Variants in CLASP1 observed in about 807,000 individuals in gnomAD.
CLASP1 encodes CLIP-associating protein 1.
In CLASP1, 38 loss-of-function variants were observed where a neutral mutation model predicts 192.3. The ratio of observed to expected loss-of-function variants is 0.20; its 90% CI spans 0.15 to 0.26. The LOEUF is 0.26. Ranked by LOEUF, CLASP1 falls within the 10% of genes least tolerant of loss-of-function variation. The pLI, the probability that CLASP1 is intolerant of heterozygous loss-of-function variation, is 1.00. For missense variants in CLASP1, 1,433 were observed against 1,932.5 expected (o/e 0.74, Z 4.85); for synonymous variants, 691 against 712.8 (o/e 0.97, Z 0.49).
intron 2 of CLASP1, chr2:121,532,483 T>C (rs1575746116): frequency 1.3e-5 from 2 of 152,222 alleles, no homozygotes; most frequent in South Asian, 2.1e-4. Context: ...TATGATGTCA[T>C]GAAAACGGCA....
intron 2 of CLASP1, chr2:121,531,149 G>T (rs146108216): frequency 1.6e-6 from 1 of 612,188 alleles, no homozygotes; most frequent in South Asian, 1.9e-5. Flanking sequence ...TTTTTGCGGT[G>T]ATTAAACGGG....
chr2:121,365,132 T>C (rs2067140601), exon 36 of CLASP1: 1 of 1,613,948 alleles, frequency 6.2e-7, no homozygotes, highest in Non-Finnish European at 8.5e-7. Flanking sequence ...AGGAGCAGAA[T>C]GGTCTTGAAG....
chr2:121,448,666 C>A (rs1021573198), intron 17 of CLASP1, among the ~76,000 whole-genome samples: 1 of 152,188 alleles, frequency 6.6e-6, no homozygotes, highest in Non-Finnish European at 1.5e-5. Context: ...GACTCTGAAG[C>A]ACTGGTGTGT....
intron 29 of CLASP1, among the ~76,000 whole-genome samples, chr2:121,397,812 G>A (rs1342353284): frequency 6.6e-6 from 1 of 152,222 alleles, no homozygotes; most frequent in Non-Finnish European, 1.5e-5. Flanking sequence ...TCAAAGAACA[G>A]ATGATGAACG....
In CLASP1 at chr2:121,610,137, G is replaced by C. The variant is rs559035953; in HGVS notation, c.-285-3957C>G. ...TGTATTTTAAAATGCAGAAAACTTA[G>C]AAAATAAGAGGGAAAAAGGATGACG... On this transcript the variant is annotated intron_variant, in intron 1 of 39. Transcript: ENST00000263710. Among the ~76,000 whole-genome samples the C allele has an allele frequency of 1.0e-3, 152 of 152,138 alleles. 2 individuals carry two copies. The highest frequency in any genetic ancestry group is 1.3e-3 in the Non-Finnish European group (91 of 68,032).
chr2:121,520,547 G>A (rs186250612), intron 6 of CLASP1, among the ~76,000 whole-genome samples: 14 of 152,382 alleles, frequency 9.2e-5, no homozygotes, highest in African/African-American at 2.6e-4. Flanking sequence ...GCTGGAGACA[G>A]CATGGAATTA....
intron 2 of CLASP1, among the ~76,000 whole-genome samples, chr2:121,536,133 G>A (rs1236626276): frequency 6.6e-6 from 1 of 151,624 alleles, no homozygotes; most frequent in Non-Finnish European, 1.5e-5. Context: ...TGTAATCCCA[G>A]CACTTTGGGA....
exon 2 of CLASP1, chr2:121,605,890 C>T (rs186839322): frequency 1.2e-6 from 2 of 1,613,746 alleles, no homozygotes; most frequent in Admixed American, 1.7e-5. Context: ...CCATGCGAGG[C>T]TCCATAGTGG....
At chr2:121,425,255 C>A in exon 22 of CLASP1, 1 of 1,612,434 alleles carries the variant, frequency 6.2e-7, no homozygotes, top group East Asian at 2.2e-5. Context: ...CCCAGTAAGT[C>A]CACCATAACC....
chr2:121,414,404 T>C (rs1224616105), intron 23 of CLASP1, among the ~76,000 whole-genome samples: 1 of 152,096 alleles, frequency 6.6e-6, no homozygotes, highest in Admixed American at 6.5e-5. Context: ...CACACAGCTA[T>C]TAAACACACA....
At chr2:121,531,007 A>T (rs780395960) in intron 2 of CLASP1, 2 of 700,154 alleles carry the variant, frequency 2.9e-6, no homozygotes, top group African/African-American at 1.7e-5. Flanking sequence ...TTTTTGGAAA[A>T]ATGAAAACCT....
At chr2:121,576,551 C>T (rs1406128835) in intron 2 of CLASP1, among the ~76,000 whole-genome samples, 1 of 152,188 alleles carries the variant, frequency 6.6e-6, no homozygotes, top group South Asian at 2.1e-4. Flanking sequence ...CTCCAAGGAG[C>T]CCCAATTCCT....
At chr2:121,475,602 G>A (rs2091497979) in intron 8 of CLASP1, among the ~76,000 whole-genome samples, 1 of 152,194 alleles carries the variant, frequency 6.6e-6, no homozygotes, top group African/African-American at 2.4e-5. Flanking sequence ...ATTTTCTTTA[G>A]GCTTTTCTGC....
intron 3 of CLASP1, among the ~76,000 whole-genome samples, chr2:121,529,235 G>A (rs1021270173): frequency 2.0e-5 from 3 of 147,978 alleles, no homozygotes; most frequent in Admixed American, 1.3e-4. Context: ...ATACACACAT[G>A]AGACAGAGCC....
At chr2:121,395,618 C>T (rs1021483774) in intron 30 of CLASP1, among the ~76,000 whole-genome samples, 1 of 152,186 alleles carries the variant, frequency 6.6e-6, no homozygotes, top group Non-Finnish European at 1.5e-5. Flanking sequence ...ATCACTTATG[C>T]AAACTGCATC....
chr2:121,555,299 T>G (rs1206300162), intron 2 of CLASP1, among the ~76,000 whole-genome samples: 1 of 152,218 alleles, frequency 6.6e-6, no homozygotes, highest in Non-Finnish European at 1.5e-5. Flanking sequence ...TCAACTCCAG[T>G]GGCCTCCCAC....
chr2:121,403,777 T>A (rs768408131), intron 26 of CLASP1: 6 of 468,628 alleles, frequency 1.3e-5, no homozygotes, highest in South Asian at 9.2e-5. Context: ...CAGCTGGGAC[T>A]CTCTCATCAA....
chr2:121,491,169 G>A (rs1373023253), intron 8 of CLASP1, among the ~76,000 whole-genome samples: 1 of 152,108 alleles, frequency 6.6e-6, no homozygotes, highest in Non-Finnish European at 1.5e-5. Context: ...AAACCATAAA[G>A]CAAAATGCAT....
exon 10 of CLASP1, chr2:121,462,556 T>C (rs187518085): frequency 1.2e-6 from 2 of 1,602,284 alleles, no homozygotes; most frequent in African/African-American, 1.3e-5. Flanking sequence ...CATCATCAAA[T>C]GCTTTAATAA....
Sources: gnomAD v4.1 joint callset for allele counts (sites outside exome capture counted in the v4.1 genomes callset) on GRCh38, gnomAD v4.1.1 for gene constraint, MANE v1.5 for transcripts, NCBI Gene and HGNC (gene_info 2026-07-23, HGNC 2026-07-21) for gene names.